The following ACACB variants were observed in gnomAD, a reference collection of about 807,000 sequenced individuals.
ACACB encodes acetyl-CoA carboxylase beta, also known as acetyl-CoA carboxylase 2.
ACACB carries 209 observed loss-of-function variants against 278.8 expected under a neutral mutation model. That is an observed-to-expected ratio of 0.75 (90% CI 0.67 to 0.84). The LOEUF (loss-of-function observed/expected upper bound fraction) is 0.84, where lower values mean the gene tolerates loss of function less well. Ranked by LOEUF, ACACB falls within the 40% of genes least tolerant of loss-of-function variation. The probability of loss-of-function intolerance (pLI) is 0.00; values close to 1 mark genes in which losing one functional copy is unlikely to be tolerated. For synonymous variants in ACACB, 1,174 were observed against 1,285.6 expected (o/e 0.91, Z 1.86); for missense variants, 2,850 against 3,269.0 (o/e 0.87, Z 3.13).
At chr12:109,239,165 C>G (rs1048410141) in intron 34 of ACACB, among the ~76,000 whole-genome samples, 1 of 152,118 alleles carries the variant, frequency 6.6e-6, no homozygotes, top group Non-Finnish European at 1.5e-5. Context: ...CCACCCATCT[C>G]GGCCTCCCAA....
chr12:109,262,950 T>TTATAGATATATATATA, intron 49 of ACACB: 1 of 62,510 alleles, frequency 1.6e-5, no homozygotes, highest in Non-Finnish European at 3.9e-5. Flanking sequence ...CTTTTTAACA[T>TTATAGATATATATATA]TATATATATA....
chr12:109,166,649 C>CAAAAAAAAA (rs869303420), intron 2 of ACACB, among the ~76,000 whole-genome samples: 476 of 25,076 alleles, frequency 0.019, 151 homozygotes, highest in Non-Finnish European at 0.025. Flanking sequence ...GATCCCGTCT[C>CAAAAAAAAA]AAAAAAAAAA....
intron 29 of ACACB, among the ~76,000 whole-genome samples, chr12:109,233,031 C>T (rs1593653041): frequency 6.6e-6 from 1 of 152,040 alleles, no homozygotes; most frequent in Admixed American, 6.6e-5. Flanking sequence ...ATAAGAGCAT[C>T]GTAGCCAAGA....
chr12:109,140,196 A>G, intron 2 of ACACB, 138 bp downstream of exon 2: 1 of 723,924 alleles, frequency 1.4e-6, no homozygotes, highest in Non-Finnish European at 2.0e-6. Context: ...AAAGGAGAAG[A>G]CACGAGCCTT....
intron 13 of ACACB, among the ~76,000 whole-genome samples, chr12:109,189,034 AGTTT>A (rs751751093): frequency 6.6e-6 from 1 of 152,208 alleles, no homozygotes; most frequent in Non-Finnish European, 1.5e-5. Context: ...TACTTGTGAT[AGTTT>A]CTGCAGAGCT....
chr12:109,258,425 T>G, intron 46 of ACACB, 61 bp downstream of exon 46: 2 of 1,416,316 alleles, frequency 1.4e-6, no homozygotes, highest in Non-Finnish European at 2.0e-6. Flanking sequence ...GAGTGGGTCC[T>G]GGGCGTGGGG....
intron 16 of ACACB, among the ~76,000 whole-genome samples, chr12:109,193,946 G>A (rs560797058): frequency 2.6e-4 from 39 of 152,312 alleles, no homozygotes; most frequent in South Asian, 1.0e-3. Flanking sequence ...ACAATGGAGC[G>A]TGGATAAGTT....
At position 109,235,325 on chromosome 12, in the gene ACACB, G is replaced by T. The variant is rs1350546192; in HGVS notation, c.4360G>T (p.Val1454Leu). ...GTTTTTAATGCAGAAAAATATCCTTGTGGATTATGGACTCCGACGAATCAC... is the reference window on the plus strand; with the variant it reads ...GTTTTTAATGCAGAAAAATATCCTTTTGGATTATGGACTCCGACGAATCAC... ...TFVQSKKNIL[V>L]DYGLRRITFL... is the part of the protein sequence containing the mutation. The change falls in exon 32 of 53, where the codon GTG (valine) becomes TTG (leucine). Residue 1454 changes from valine (V) to leucine (L), a missense_variant. Physicochemically the swap from Val to Leu is conservative, Grantham distance 32. This residue lies in a region of ACACB where 2,265 missense variants were observed against 2,561.3 expected (regional missense o/e 0.88). Coordinates refer to ENST00000338432, the MANE Select transcript of ACACB (RefSeq NM_001093.4). 6.2e-7 allele frequency: 1 copy of T among 1,614,062 alleles called. No homozygotes were observed. Among genetic ancestry groups the T allele is most frequent in the South Asian group, 1.1e-5 (1 of 91,084 alleles).
chr12:109,222,739 C>T, intron 25 of ACACB, 60 bp from the exon 26 acceptor site: 1 of 1,554,770 alleles, frequency 6.4e-7, no homozygotes, highest in South Asian at 1.1e-5. Context: ...CGTGCCCGAG[C>T]CTCTGCCTTC....
intron 47 of ACACB, chr12:109,260,156 GA>G (rs1305960072): frequency 1.4e-6 from 2 of 1,410,252 alleles, no homozygotes; most frequent in South Asian, 1.1e-5. Context: ...GACTGTTAGT[GA>G]GGGTTTTCTT....
At chr12:109,177,496 A>G (rs2044317137) in intron 9 of ACACB, among the ~76,000 whole-genome samples, 2 of 152,212 alleles carry the variant, frequency 1.3e-5, no homozygotes, top group South Asian at 4.1e-4. Flanking sequence ...CTCTTGGTAT[A>G]ATATGTGAAT....
At chr12:109,137,590 G>A (rs2042998407) in intron 1 of ACACB, among the ~76,000 whole-genome samples, 1 of 151,804 alleles carries the variant, frequency 6.6e-6, no homozygotes, top group African/African-American at 2.4e-5. Flanking sequence ...AACCCAGGAG[G>A]CAGAGGTTGC....
chr12:109,180,881 G>T (rs188013511), intron 11 of ACACB, among the ~76,000 whole-genome samples: 19 of 152,184 alleles, frequency 1.2e-4, no homozygotes, highest in Admixed American at 4.6e-4. Flanking sequence ...GTTGACTGTA[G>T]TCACCCTGTT....
At position 109,191,658 on chromosome 12, in the gene ACACB, T is replaced by C. The variant is rs139575512; in HGVS notation, c.2190T>C (p.Phe730=). ...ALKELSIRGD[F]RTTVEYLINL... ...AGGAACTGTCCATCCGAGGCGACTT[T>C]AGGACTACCGTGGAATACCTCATTA... The change falls in exon 14 of 53, where the codon TTT becomes TTC. Residue 730 remains phenylalanine, a synonymous_variant. Transcript: ENST00000338432. The C allele has an allele frequency of 2.2e-5, 35 of 1,614,076 alleles. No homozygotes were observed. Among genetic ancestry groups the C allele is most frequent in the Non-Finnish European group, 2.8e-5 (33 of 1,180,036 alleles).
chr12:109,171,074 G>A (rs1037319296), intron 4 of ACACB, among the ~76,000 whole-genome samples: 36 of 118,480 alleles, frequency 3.0e-4, no homozygotes, highest in African/African-American at 1.1e-3. Flanking sequence ...AACTGGTCTT[G>A]AATTCTTGGC....
intron 2 of ACACB, among the ~76,000 whole-genome samples, chr12:109,148,120 T>A (rs2043287983): frequency 6.6e-6 from 1 of 152,198 alleles, no homozygotes; most frequent in Non-Finnish European, 1.5e-5. Context: ...CCCCTTTGGG[T>A]TGATCTCAGG....
At chr12:109,149,035 G>A (rs2043307861) in intron 2 of ACACB, among the ~76,000 whole-genome samples, 1 of 152,140 alleles carries the variant, frequency 6.6e-6, no homozygotes, top group Admixed American at 6.5e-5. Flanking sequence ...TCCTAGATAG[G>A]AAGCTGAAGC....
At chr12:109,194,512 A>ATGTGTGTGTGTGTG (rs370227666) in intron 16 of ACACB, among the ~76,000 whole-genome samples, 1,863 of 88,450 alleles carry the variant, frequency 0.021, 66 homozygotes, top group African/African-American at 0.075. Flanking sequence ...CTGTGTGTGC[A>ATGTGTGTGTGTGTG]TGTGTGTGTG....
Position 109,191,866 on chromosome 12 carries a change from T to C in ACACB, c.2315T>C (p.Met772Thr), listed in dbSNP as rs760875080. 1.2e-6 allele frequency: 2 copies of C among 1,614,192 alleles called. No individual in the cohort carries two copies. The highest frequency in any genetic ancestry group is 8.5e-7 in the Non-Finnish European group (1 of 1,180,036). The change falls in exon 15 of 53, where the codon ATG becomes ACG. Residue 772 changes from methionine to threonine, a missense_variant. Met to Thr is a moderately conservative substitution (Grantham distance 81). Transcript: ENST00000338432. ...TCCTAGGCGGAGAAACCGGATATCA[T>C]GCTTGGGGTGGTATGCGGGGCCTTG... ...EKVQAEKPDI[M>T]LGVVCGALNV...
Sources: gnomAD v4.1 joint callset for allele counts (sites outside exome capture counted in the v4.1 genomes callset) on GRCh38, gnomAD v4.1.1 for gene constraint, gnomAD v4.1.1 regional missense constraint, MANE v1.5 for transcripts, NCBI Gene and HGNC (gene_info 2026-07-23, HGNC 2026-07-21) for gene names.